LRRC4C: variants seen among roughly 807,000 people sequenced by gnomAD.
LRRC4C encodes the protein leucine-rich repeat-containing protein 4C.
A neutral mutation model predicts 33.6 loss-of-function variants in LRRC4C; 5 were observed. That is an observed-to-expected ratio of 0.15 (90% confidence interval 0.08 to 0.31). The LOEUF (loss-of-function observed/expected upper bound fraction) is 0.31, where lower values mean the gene tolerates loss of function less well. LRRC4C is among the 10% of genes least tolerant of loss of function. The pLI is 1.00. For missense variants in LRRC4C, 560 were observed against 796.7 expected (o/e 0.70, Z 3.58); for synonymous variants, 329 against 302.0 (o/e 1.09, Z -0.93).
intron 4 of LRRC4C, among the ~76,000 whole-genome samples, chr11:40,257,501 A>G (rs144204319): frequency 8.7e-4 from 132 of 152,154 alleles, no homozygotes; most frequent in African/African-American, 2.8e-3. Context: ...TCCCTCCTCC[A>G]TGTGGCCATG....
At chr11:41,225,451 A>C (rs974510599) in intron 1 of LRRC4C, among the ~76,000 whole-genome samples, 3 of 152,084 alleles carry the variant, frequency 2.0e-5, no homozygotes, top group Non-Finnish European at 4.4e-5. Flanking sequence ...AAATTAGAAA[A>C]AAATATTTTA....
At chr11:40,943,283 T>C (rs577814267) in intron 1 of LRRC4C, among the ~76,000 whole-genome samples, 1 of 152,242 alleles carries the variant, frequency 6.6e-6, no homozygotes, top group South Asian at 2.1e-4. Context: ...CCTCACACCT[T>C]AGTATAGAGG....
chr11:41,081,464 G>C, intron 1 of LRRC4C, among the ~76,000 whole-genome samples: 1 of 152,152 alleles, frequency 6.6e-6, no homozygotes, highest in Middle Eastern at 3.2e-3. Flanking sequence ...ATTACTACTT[G>C]CTGGCTTCAA....
intron 3 of LRRC4C, among the ~76,000 whole-genome samples, chr11:40,499,067 G>T (rs1340618765): frequency 6.6e-6 from 1 of 152,144 alleles, no homozygotes; most frequent in Non-Finnish European, 1.5e-5. Context: ...CTGCCCCAAA[G>T]GAGTTAACAA....
At chr11:40,277,990 C>T (rs1420999413) in intron 4 of LRRC4C, among the ~76,000 whole-genome samples, 1 of 152,106 alleles carries the variant, frequency 6.6e-6, no homozygotes, top group Non-Finnish European at 1.5e-5. Context: ...TCCAGGAAAA[C>T]CCTACTCCAA....
chr11:41,081,369 C>A (rs930560933), intron 1 of LRRC4C, among the ~76,000 whole-genome samples: 2 of 152,118 alleles, frequency 1.3e-5, no homozygotes, highest in Admixed American at 1.3e-4. Flanking sequence ...GACAAGAAGG[C>A]ACTGAATAAA....
intron 1 of LRRC4C, among the ~76,000 whole-genome samples, chr11:41,068,298 C>G (rs1199299674): frequency 6.6e-6 from 1 of 152,052 alleles, no homozygotes; most frequent in African/African-American, 2.4e-5. Context: ...GAGGCTGAGG[C>G]AGGAGAATCA....
chr11:41,309,290 G>A (rs563641980), intron 1 of LRRC4C, among the ~76,000 whole-genome samples: 4 of 152,260 alleles, frequency 2.6e-5, no homozygotes, highest in Admixed American at 1.3e-4. Flanking sequence ...GGGGATTGGT[G>A]TCCACTGAGG....
chr11:41,059,299 T>C (rs1212474828), intron 1 of LRRC4C, among the ~76,000 whole-genome samples: 1 of 141,816 alleles, frequency 7.1e-6, no homozygotes, highest in African/African-American at 2.6e-5. Flanking sequence ...ACAAAAAACT[T>C]AGATACGTTC....
At chr11:40,523,010 C>T (rs966394199) in intron 3 of LRRC4C, among the ~76,000 whole-genome samples, 2 of 152,118 alleles carry the variant, frequency 1.3e-5, no homozygotes, top group African/African-American at 2.4e-5. Flanking sequence ...AACATGAGGG[C>T]ACAAATATCT....
chr11:40,753,803 A>G (rs913566765), intron 2 of LRRC4C, among the ~76,000 whole-genome samples: 1 of 152,102 alleles, frequency 6.6e-6, no homozygotes, highest in African/African-American at 2.4e-5. Flanking sequence ...CTCCAAAAAC[A>G]CATTCAAATG....
chr11:40,871,781 T>G (rs1954663213), intron 2 of LRRC4C, among the ~76,000 whole-genome samples: 3 of 152,146 alleles, frequency 2.0e-5, no homozygotes, highest in Admixed American at 2.0e-4. Flanking sequence ...CACGCTGTAC[T>G]TTTCCTCTCT....
intron 2 of LRRC4C, among the ~76,000 whole-genome samples, chr11:40,828,152 T>TACACACACAC (rs57515808): frequency 3.3e-4 from 48 of 146,938 alleles, no homozygotes; most frequent in African/African-American, 1.1e-3. Context: ...TATACAAACA[T>TACACACACAC]ACACACACAC....
chr11:41,035,636 G>T (rs117871039), intron 1 of LRRC4C, among the ~76,000 whole-genome samples: 2,532 of 152,182 alleles, frequency 0.017, 36 homozygotes, highest in Non-Finnish European at 0.025. Flanking sequence ...AGGATGAATA[G>T]ACACTCACAC....
At chr11:40,414,657 T>TA (rs1310151456) in intron 3 of LRRC4C, among the ~76,000 whole-genome samples, 8 of 151,878 alleles carry the variant, frequency 5.3e-5, no homozygotes, top group Admixed American at 6.6e-5. Context: ...GTGGCTAATT[T>TA]AAAAAAAGAC....
intron 1 of LRRC4C, among the ~76,000 whole-genome samples, chr11:41,232,725 TA>T: frequency 6.7e-6 from 1 of 149,800 alleles, no homozygotes; most frequent in Non-Finnish European, 1.5e-5. Context: ...GTTCAAATAA[TA>T]TTACATACAT....
intron 2 of LRRC4C, among the ~76,000 whole-genome samples, chr11:40,898,366 A>AAAAAAAAAAAAAAAAAG (rs1554991246): frequency 5.1e-5 from 6 of 117,372 alleles, no homozygotes; most frequent in East Asian, 2.6e-4. Context: ...AAAAAAAAAA[A>AAAAAAAAAAAAAAAAAG]AAAAAAGAAA....
At chr11:40,273,063 G>A (rs1565214139) in intron 4 of LRRC4C, among the ~76,000 whole-genome samples, 1 of 152,042 alleles carries the variant, frequency 6.6e-6, no homozygotes, top group Non-Finnish European at 1.5e-5. Flanking sequence ...AATTCAAATT[G>A]TAGTATTATC....
chr11:40,293,069 G>T (rs1429676342), intron 4 of LRRC4C: 1 of 151,936 alleles, frequency 6.6e-6, no homozygotes, highest in African/African-American at 2.4e-5. Flanking sequence ...AACCCAGTGC[G>T]CAATTGAATT....
Sources: gnomAD v4.1 joint callset for allele counts (sites outside exome capture counted in the v4.1 genomes callset) on GRCh38, gnomAD v4.1.1 for gene constraint, MANE v1.5 for transcripts, NCBI Gene and HGNC (gene_info 2026-07-23, HGNC 2026-07-21) for gene names.